Variants in SPSB4 observed in about 807,000 individuals in gnomAD.
The protein encoded by SPSB4 is SPRY domain-containing SOCS box protein 4.
In SPSB4, 21 loss-of-function variants were observed where a neutral mutation model predicts 20.9. The observed-to-expected ratio is 1.01, with a 90% CI of 0.71 to 1.45. The LOEUF (loss-of-function observed/expected upper bound fraction) is 1.45. SPSB4 is among the 40% of genes most tolerant of loss of function. SPSB4 has a pLI of 0.00. For missense variants in SPSB4, 399 were observed against 399.2 expected (o/e 1.00, Z 0.00); for synonymous variants, 207 against 183.8 (o/e 1.13, Z -1.02).
chr3:141,138,825 G>T (rs1253079672), intron 2 of SPSB4, among the ~76,000 whole-genome samples: 3 of 152,198 alleles, frequency 2.0e-5, no homozygotes, highest in African/African-American at 7.2e-5. Flanking sequence ...ATTTGGGGTG[G>T]AGAGTTCTGT....
rs540681182 is a variant in SPSB4, at chr3:141,066,940, T to G, written c.694+142T>G. ...AGGACCTGGGTTTCAATCCTGACTC[T>G]CTGCTGGCTTGGTGATTTGGGGCTG... On this transcript the variant is annotated intron_variant, in intron 2 of 2. Transcript: ENST00000310546. The G allele has an allele frequency of 7.5e-4, 623 of 827,752 alleles. 3 individuals carry two copies. In the African/African-American group the frequency reaches 0.01, roughly 14 times the overall value. The allele number at this position is 827,752 out of a possible 1,614,324, so 51.3% of individuals were successfully genotyped here.
chr3:141,116,256 G>A lies in SPSB4; in HGVS notation c.695-30886G>A, dbSNP rs187611524. Reference sequence around the variant, plus strand: ...CTGGAGGGGAGAAGACCCCCTTGTGGAGTCCATGTCAGCTCCCTTTCCCTT... The same window carrying A: ...CTGGAGGGGAGAAGACCCCCTTGTGAAGTCCATGTCAGCTCCCTTTCCCTT... On this transcript the variant is annotated intron_variant, in intron 2 of 2. Transcript: ENST00000310546. Among the ~76,000 whole-genome samples, 60 of 152,344 alleles carry A rather than the reference G, an allele frequency of 3.9e-4. 1 individual carries two copies. In the East Asian group the frequency reaches 8.7e-3, roughly 22 times the overall value.
chr3:141,061,987 G>A (rs137999889), intron 1 of SPSB4, among the ~76,000 whole-genome samples: 5,977 of 152,098 alleles, frequency 0.039, 401 homozygotes, highest in African/African-American at 0.14. Flanking sequence ...CACCTGCCTT[G>A]GCCTCCCAAA....
At chr3:141,056,812 G>A (rs1209111540) in intron 1 of SPSB4, among the ~76,000 whole-genome samples, 1 of 152,230 alleles carries the variant, frequency 6.6e-6, no homozygotes, top group Non-Finnish European at 1.5e-5. Context: ...TGGGCTCAGG[G>A]GCAGCTGTGG....
intron 2 of SPSB4, among the ~76,000 whole-genome samples, chr3:141,071,286 C>A (rs1050914187): frequency 9.2e-5 from 14 of 151,568 alleles, no homozygotes; most frequent in African/African-American, 3.4e-4. Context: ...GGCAGGAGGG[C>A]TGACAGAACG....
intron 2 of SPSB4, among the ~76,000 whole-genome samples, chr3:141,135,450 CTCA>C (rs1329349425): frequency 6.6e-6 from 1 of 151,832 alleles, no homozygotes; most frequent in Non-Finnish European, 1.5e-5. Flanking sequence ...CACCCATTAA[CTCA>C]TCATTTAGCA....
chr3:141,071,074 T>C (rs952362314), intron 2 of SPSB4, among the ~76,000 whole-genome samples: 1 of 152,222 alleles, frequency 6.6e-6, no homozygotes, highest in East Asian at 1.9e-4. Flanking sequence ...CAGGGTGTTC[T>C]GAAATGCTAA....
intron 1 of SPSB4, among the ~76,000 whole-genome samples, chr3:141,054,636 G>A (rs1008327648): frequency 2.0e-5 from 3 of 152,232 alleles, no homozygotes; most frequent in Non-Finnish European, 2.9e-5. Flanking sequence ...TTGATTGCAT[G>A]TGATTTTTGC....
At chr3:141,101,293 C>T (rs1938609507) in intron 2 of SPSB4, among the ~76,000 whole-genome samples, 1 of 152,202 alleles carries the variant, frequency 6.6e-6, no homozygotes, top group Admixed American at 6.5e-5. Flanking sequence ...CTTTGCACCT[C>T]CCCTCAGCAT....
intron 2 of SPSB4, among the ~76,000 whole-genome samples, chr3:141,121,640 T>G (rs1938968176): frequency 6.6e-6 from 1 of 152,262 alleles, no homozygotes; most frequent in African/African-American, 2.4e-5. Context: ...TAATCTTGTC[T>G]TCTCGCTTTA....
At chr3:141,128,839 A>C (rs1939091126) in intron 2 of SPSB4, among the ~76,000 whole-genome samples, 1 of 152,154 alleles carries the variant, frequency 6.6e-6, no homozygotes, top group Non-Finnish European at 1.5e-5. Flanking sequence ...ACAGAACTTT[A>C]AATTGTTCCA....
intron 2 of SPSB4, among the ~76,000 whole-genome samples, chr3:141,078,739 C>T (rs577935533): frequency 6.6e-6 from 1 of 152,284 alleles, no homozygotes; most frequent in East Asian, 1.9e-4. Context: ...GCGCCAAGCA[C>T]TCTGCCAAAA....
At chr3:141,081,889 C>A (rs1938239861) in intron 2 of SPSB4, among the ~76,000 whole-genome samples, 1 of 152,206 alleles carries the variant, frequency 6.6e-6, no homozygotes, top group Admixed American at 6.5e-5. Flanking sequence ...TTATTTATCT[C>A]AGCTTGTAAT....
intron 2 of SPSB4, among the ~76,000 whole-genome samples, chr3:141,082,632 T>A (rs1463295183): frequency 6.6e-6 from 1 of 151,880 alleles, no homozygotes; most frequent in Non-Finnish European, 1.5e-5. Flanking sequence ...TCTATCTATC[T>A]ATCTATCTAT....
intron 2 of SPSB4, among the ~76,000 whole-genome samples, chr3:141,076,674 G>A (rs1474520232): frequency 4.6e-5 from 7 of 152,240 alleles, no homozygotes; most frequent in South Asian, 2.1e-4. Flanking sequence ...TGTCTGTCCC[G>A]AACTTGAGTC....
intron 2 of SPSB4, among the ~76,000 whole-genome samples, chr3:141,125,138 A>AT (rs1303062297): frequency 6.6e-6 from 1 of 152,228 alleles, no homozygotes; most frequent in Non-Finnish European, 1.5e-5. Flanking sequence ...GATCACCCTG[A>AT]TTAGAATCCA....
At chr3:141,138,058 C>A (rs939733993) in intron 2 of SPSB4, among the ~76,000 whole-genome samples, 2 of 152,144 alleles carry the variant, frequency 1.3e-5, no homozygotes, top group African/African-American at 4.8e-5. Context: ...CTGGTTTAGT[C>A]TTGGGAGAGT....
intron 2 of SPSB4, among the ~76,000 whole-genome samples, chr3:141,135,801 A>C (rs1384935361): frequency 6.6e-6 from 1 of 152,110 alleles, no homozygotes; most frequent in Non-Finnish European, 1.5e-5. Context: ...CACAATAAAC[A>C]TACGTGTGCA....
intron 2 of SPSB4, among the ~76,000 whole-genome samples, chr3:141,141,770 T>C (rs892911528): frequency 6.6e-6 from 1 of 152,214 alleles, no homozygotes; most frequent in African/African-American, 2.4e-5. Context: ...TGATTTAATC[T>C]AGGAAGGTTG....
Sources: allele counts gnomAD v4.1 joint callset (sites outside exome capture counted in the v4.1 genomes callset), GRCh38; gene constraint gnomAD v4.1.1; transcripts MANE v1.5; gene names NCBI Gene and HGNC (gene_info 2026-07-23, HGNC 2026-07-21).